Variants in PUDP observed in about 807,000 individuals in gnomAD.
PUDP encodes the protein pseudouridine 5'-phosphatase.
Under a neutral mutation model 9.4 loss-of-function variants are expected in PUDP, and 8 were observed. The observed-to-expected ratio is 0.85, with a 90% CI of 0.50 to 1.53. PUDP has a LOEUF of 1.53. Ranked by LOEUF, PUDP falls within the 40% of genes most tolerant of loss-of-function variation. PUDP has a pLI of 0.00. For missense variants in PUDP, 188 were observed against 189.7 expected (o/e 0.99, Z 0.05); for synonymous variants, 99 against 80.7 (o/e 1.23, Z -1.22).
chrX:6,745,629 CTGTT>C (rs769170785), intron 3 of PUDP, among the ~76,000 whole-genome samples: 31 of 110,816 alleles, frequency 2.8e-4, no homozygotes, highest in African/African-American at 8.5e-4. Context: ...ATGTCACATG[CTGTT>C]TGTTTGTTTG....
intron 3 of PUDP, among the ~76,000 whole-genome samples, chrX:6,854,804 G>A (rs962627325): frequency 2.8e-5 from 3 of 109,040 alleles, no homozygotes; most frequent in African/African-American, 1.0e-4. Context: ...GGAAGAAAAG[G>A]GGTTAGTCTT....
intron 3 of PUDP, among the ~76,000 whole-genome samples, chrX:6,916,191 TACACACACACACACACACACACACACAC>T (rs747162229): frequency 7.2e-5 from 5 of 69,862 alleles, no homozygotes; most frequent in African/African-American, 3.0e-4. Flanking sequence ...ATGCTTTTTC[TACACACACACACACACACACACACACAC>T]ACACACACAC....
intron 3 of PUDP, among the ~76,000 whole-genome samples, chrX:6,947,193 G>A (rs984890096): frequency 9.1e-6 from 1 of 109,580 alleles, no homozygotes; most frequent in African/African-American, 3.3e-5. Flanking sequence ...GTAGAGATGC[G>A]GTTTCACCAT....
At chrX:6,782,542 G>A (rs1455918775) in intron 3 of PUDP, among the ~76,000 whole-genome samples, 1 of 111,220 alleles carries the variant, frequency 9.0e-6, no homozygotes, top group Non-Finnish European at 1.9e-5. Context: ...TGCACTCCAG[G>A]CTGGGCTACA....
At chrX:6,775,111 C>T (rs1215704083) in intron 3 of PUDP, among the ~76,000 whole-genome samples, 1 of 112,119 alleles carries the variant, frequency 8.9e-6, no homozygotes. Flanking sequence ...TCATTCCCTG[C>T]TCCCATCCTC....
chrX:7,016,061 G>A (rs768000751), intron 1 of PUDP, among the ~76,000 whole-genome samples: 1 of 109,653 alleles, frequency 9.1e-6, no homozygotes, highest in African/African-American at 3.3e-5. Flanking sequence ...CAGGAGGGCA[G>A]AAGAAGCTCT....
Position 7,004,123 on chromosome X carries a change from G to A in PUDP, c.205-25780C>T, listed in dbSNP as rs1416615641. On this transcript the variant is annotated intron_variant and NMD_transcript_variant, in intron 1 of 3. Coordinates refer to the PUDP transcript ENST00000655425. ...ACTCCTGGACTCAAGTGATCCACCC[G>A]CCTTGGCTTCCCAAAGTGCAGGGAT... 4.5e-5 allele frequency among the ~76,000 whole-genome samples: 5 copies of A among 111,424 alleles called. No homozygotes were observed. In the East Asian group the frequency reaches 1.1e-3, roughly 25 times the overall value.
chrX:7,143,448 G>T (rs539583607), intron 1 of PUDP, among the ~76,000 whole-genome samples: 210 of 112,003 alleles, frequency 1.9e-3, no homozygotes, highest in Middle Eastern at 4.6e-3. Context: ...TGCATGCCTA[G>T]AATCTGCTGA....
intron 1 of PUDP, among the ~76,000 whole-genome samples, chrX:7,034,388 T>C (rs1929827792): frequency 8.9e-6 from 1 of 112,018 alleles, no homozygotes; most frequent in Admixed American, 9.5e-5. Flanking sequence ...CAAACTTCTA[T>C]GTGGACATTT....
chrX:7,077,513 G>A, intron 2 of PUDP, 64 bp from the exon 3 acceptor site: 1 of 860,852 alleles, frequency 1.2e-6, no homozygotes, highest in East Asian at 3.2e-5. Flanking sequence ...CCTTCTTGCA[G>A]GGACAGTCCC....
At chrX:7,118,609 T>A (rs1196198787) in intron 1 of PUDP, among the ~76,000 whole-genome samples, 1 of 112,008 alleles carries the variant, frequency 8.9e-6, no homozygotes, top group Admixed American at 9.5e-5. Context: ...TGAACTAGAA[T>A]CCAAACGAAC....
intron 1 of PUDP, among the ~76,000 whole-genome samples, chrX:7,033,071 G>A (rs988893316): frequency 8.9e-6 from 1 of 111,945 alleles, no homozygotes; most frequent in African/African-American, 3.2e-5. Context: ...GCAGAGGAAC[G>A]TGAAAGGACT....
At chrX:6,714,762 A>G (rs780385141) in intron 1 of PUDP, among the ~76,000 whole-genome samples, 100 of 111,737 alleles carry the variant, frequency 8.9e-4, no homozygotes, top group Non-Finnish European at 1.3e-3. Context: ...ATATATAGAT[A>G]AAGATGTGTC....
chrX:6,964,684 T>A (rs1454900667), intron 3 of PUDP, among the ~76,000 whole-genome samples: 1 of 110,172 alleles, frequency 9.1e-6, no homozygotes, highest in Non-Finnish European at 1.9e-5. Flanking sequence ...AAAAAATAAA[T>A]AAATAAGTAA....
At chrX:6,906,954 G>A (rs1927775945) in intron 3 of PUDP, among the ~76,000 whole-genome samples, 1 of 111,550 alleles carries the variant, frequency 9.0e-6, no homozygotes, top group South Asian at 3.8e-4. Flanking sequence ...GTGCTAAGCA[G>A]TCGGTTTTGT....
At chrX:6,741,980 C>T (rs1225366158) in intron 3 of PUDP, among the ~76,000 whole-genome samples, 3 of 110,249 alleles carry the variant, frequency 2.7e-5, no homozygotes, top group Admixed American at 1.9e-4. Flanking sequence ...CTCAGCCTCC[C>T]GAGTAGCTGG....
intron 3 of PUDP, among the ~76,000 whole-genome samples, chrX:6,962,560 A>G (rs182782733): frequency 1.9e-4 from 21 of 112,339 alleles, no homozygotes; most frequent in African/African-American, 6.5e-4. Context: ...GCATATGTCT[A>G]AGTAATTACA....
Position 6,800,442 on chromosome X carries a change from T to C in PUDP, c.*248-93976A>G, listed in dbSNP as rs772856017. On this transcript the variant is annotated intron_variant and NMD_transcript_variant, in intron 3 of 3. Transcript: ENST00000655425. ...ATTAGTTCCTACAGACGACAGTTAT[T>C]GCACTTAAAAAGGGGCTATTGGCTC... Among the ~76,000 whole-genome samples, 87 of 111,829 alleles carry C rather than the reference T, an allele frequency of 7.8e-4. 2 individuals carry two copies. The Admixed American group carries it at 8.0e-3, about 10-fold the overall frequency.
chrX:6,889,396 G>T (rs145543972), intron 3 of PUDP, among the ~76,000 whole-genome samples: 5,530 of 111,191 alleles, frequency 0.05, 144 homozygotes, highest in East Asian at 0.15. Flanking sequence ...TTGAACTCCT[G>T]GGCTCAAGCC....
Sources: gnomAD v4.1 joint callset for allele counts (sites outside exome capture counted in the v4.1 genomes callset) on GRCh38, gnomAD v4.1.1 for gene constraint, MANE v1.5 for transcripts, NCBI Gene and HGNC (gene_info 2026-07-23, HGNC 2026-07-21) for gene names.